Variants in FAM91A1 observed in about 807,000 individuals in gnomAD.
The protein encoded by FAM91A1 is protein FAM91A1.
A neutral mutation model predicts 113.5 loss-of-function variants in FAM91A1; 41 were observed. The ratio of observed to expected loss-of-function variants is 0.36; its 90% CI spans 0.28 to 0.47. FAM91A1 has a LOEUF of 0.47. Among genes scored for constraint, FAM91A1 ranks in the 20% least tolerant of loss-of-function variants. The probability of loss-of-function intolerance (pLI) is 1.00; values close to 1 mark genes in which losing one functional copy is unlikely to be tolerated. For missense variants in FAM91A1, 696 were observed against 1,001.2 expected (o/e 0.70, Z 4.11); for synonymous variants, 307 against 347.9 (o/e 0.88, Z 1.31).
intron 15 of FAM91A1, among the ~76,000 whole-genome samples, chr8:123,796,886 A>G (rs540944297): frequency 1.0e-3 from 152 of 150,494 alleles, no homozygotes; most frequent in African/African-American, 3.6e-3. Context: ...ACATGGTGAA[A>G]CCTGTCTCTA....
chr8:123,787,159 C>A, intron 12 of FAM91A1, 102 bp from the exon 13 acceptor site: 1 of 875,314 alleles, frequency 1.1e-6, no homozygotes, highest in Non-Finnish European at 1.8e-6. Flanking sequence ...AAATTATGTA[C>A]TTTCTGGTTA....
chr8:123,770,586 CTTCTT>C (rs1314302006), intron 1 of FAM91A1, among the ~76,000 whole-genome samples: 1 of 152,094 alleles, frequency 6.6e-6, no homozygotes, highest in Non-Finnish European at 1.5e-5. Flanking sequence ...ACAAACAGTT[CTTCTT>C]TTCTTTGTTT....
At position 123,806,088 on chromosome 8, in the gene FAM91A1, C is replaced by G. The variant is rs777888437; in HGVS notation, c.1891C>G (p.Arg631Gly). Reference protein sequence around the residue: ...DETELQGEFTRVNMGVHKALQ... With the variant: ...DETELQGEFTGVNMGVHKALQ... ...GTCCGTTCTGTTTGTAGAGTTCACT[C>G]GTGTCAATATGGGTGTTCATAAAGC... Residue 631 changes from arginine to glycine, a missense_variant, in exon 20 of 24, where the codon CGT becomes GGT. By Grantham distance (125) the Arg-to-Gly change is moderately radical. Transcript: ENST00000334705. The G allele has an allele frequency of 6.3e-7, 1 of 1,589,936 alleles. No individual in the cohort carries two copies. Among genetic ancestry groups the G allele is most frequent in the Non-Finnish European group, 8.6e-7 (1 of 1,165,804 alleles).
At chr8:123,774,811 G>T (rs112162137) in intron 2 of FAM91A1, among the ~76,000 whole-genome samples, 5 of 152,210 alleles carry the variant, frequency 3.3e-5, no homozygotes, top group African/African-American at 1.2e-4. Flanking sequence ...CATTGAAAAC[G>T]AGCATTCAGT....
chr8:123,797,400 C>T (rs926426403), intron 15 of FAM91A1, among the ~76,000 whole-genome samples: 19 of 152,012 alleles, frequency 1.2e-4, no homozygotes, highest in African/African-American at 4.6e-4. Context: ...AAAGTTACAC[C>T]CATCATGCCT....
intron 15 of FAM91A1, among the ~76,000 whole-genome samples, chr8:123,790,797 A>G (rs1815365758): frequency 6.6e-6 from 1 of 152,194 alleles, no homozygotes; most frequent in Non-Finnish European, 1.5e-5. Flanking sequence ...AATATGCCTT[A>G]TCTGAAGAAT....
chr8:123,799,382 A>G lies in FAM91A1; in HGVS notation c.1561-138A>G. 4.0e-6 allele frequency: 3 copies of G among 750,650 alleles called. No homozygotes were observed. The East Asian group carries it at 8.8e-5, about 22-fold the overall frequency. 46.5% of individuals were successfully genotyped at this position (750,650 alleles called of 1,614,324 possible). A position where few individuals can be genotyped will look rare whatever the true frequency, so the allele number is the denominator to read the frequency against. ...CCAGTATAAAATTGAAACTATTTTAATGAAACATTTAAAGTTATTTTCTTG... is the reference window on the plus strand; with the variant it reads ...CCAGTATAAAATTGAAACTATTTTAGTGAAACATTTAAAGTTATTTTCTTG... On this transcript the variant is annotated intron_variant, in intron 16 of 23. Coordinates refer to ENST00000334705, the MANE Select transcript of FAM91A1 (RefSeq NM_144963.4).
rs1815048576 is a variant in FAM91A1, at chr8:123,778,745, T to C, written c.522T>C (p.Ala174=). ...IAIEAWWVVQ[A]GYITEDDIKI... is the part of the protein sequence containing the mutation. Reference sequence around the variant, plus strand: ...TAGAGGCGTGGTGGGTGGTGCAGGCTGGCTATATCACAGAAGATGACATCA... The same window carrying C: ...TAGAGGCGTGGTGGGTGGTGCAGGCCGGCTATATCACAGAAGATGACATCA... Residue 174 remains alanine (A), a synonymous_variant, in exon 6 of 24, where the codon GCT becomes GCC. Coordinates refer to ENST00000334705, the MANE Select transcript of FAM91A1 (RefSeq NM_144963.4). The C allele has an allele frequency of 6.3e-7, 1 of 1,586,628 alleles. No individual in the cohort carries two copies. Among genetic ancestry groups the C allele is most frequent in the Non-Finnish European group, 8.6e-7 (1 of 1,166,596 alleles).
At chr8:123,795,754 G>GA (rs1056576839) in intron 15 of FAM91A1, among the ~76,000 whole-genome samples, 11 of 152,224 alleles carry the variant, frequency 7.2e-5, no homozygotes, top group African/African-American at 2.6e-4. Flanking sequence ...TCCTATTCTG[G>GA]AAAAAAATGC....
At chr8:123,804,456 A>G (rs952697579) in intron 18 of FAM91A1, among the ~76,000 whole-genome samples, 2 of 127,604 alleles carry the variant, frequency 1.6e-5, no homozygotes, top group Non-Finnish European at 1.6e-5. Context: ...GTGTCATTGC[A>G]CTCCAGTCTG....
At chr8:123,792,201 A>T (rs926006719) in intron 15 of FAM91A1, among the ~76,000 whole-genome samples, 1 of 152,066 alleles carries the variant, frequency 6.6e-6, no homozygotes, top group East Asian at 1.9e-4. Flanking sequence ...ATCCTCTAGT[A>T]TTGGTGTTTT....
At position 123,779,975 on chromosome 8, in the gene FAM91A1, C is replaced by T. The variant is rs1231784624; in HGVS notation, c.550-10C>T. 3.0e-5 allele frequency: 49 copies of T among 1,607,266 alleles called. No individual in the cohort carries two copies. The Admixed American group carries it at 6.0e-4, about 20-fold the overall frequency. ...ACAGAACTTAATTAAAAATATTTTG[C>T]TTTTCTTAGATATGCACTTTGCCTG... On this transcript the variant is annotated splice_polypyrimidine_tract_variant and intron_variant, in intron 6 of 23. Transcript: ENST00000334705.
intron 14 of FAM91A1, 93 bp from the exon 15 acceptor site, chr8:123,789,520 T>C: frequency 1.9e-6 from 3 of 1,556,304 alleles, no homozygotes; most frequent in East Asian, 4.7e-5. Context: ...TTACTACTTT[T>C]GAATAATGTC....
intron 14 of FAM91A1, 75 bp downstream of exon 14, chr8:123,787,825 C>A: frequency 2.5e-6 from 3 of 1,187,916 alleles, no homozygotes; most frequent in Non-Finnish European, 3.6e-6. Context: ...GCCAATTATA[C>A]AGTCTGTTGA....
chr8:123,780,540 C>A lies in FAM91A1; in HGVS notation c.701C>A (p.Ala234Glu). ...CCAATATCTGATGACAGTTGTATAG[C>A]AGGTAAGTCCGTGCTAACATTTTTC... is the stretch of plus-strand genomic sequence containing the variant. Reference protein sequence around the residue: ...DVPISDDSCIAVPPLEGFVMN... With the variant: ...DVPISDDSCIEVPPLEGFVMN... The change falls in exon 8 of 24, where the codon GCA becomes GAA. Residue 234 changes from alanine to glutamate, a missense_variant and splice_region_variant. Transcript: ENST00000334705. 1 of 1,610,102 alleles carries A rather than the reference C, an allele frequency of 6.2e-7. No individual in the cohort carries two copies.
Position 123,815,116 on chromosome 8 carries a change from A to G in FAM91A1, c.*2412A>G, listed in dbSNP as rs1563652854. The G allele has an allele frequency of 6.6e-6, 1 of 152,648 alleles. No individual in the cohort carries two copies. Among genetic ancestry groups the G allele is most frequent in the Non-Finnish European group, 1.5e-5 (1 of 68,028 alleles). 9.5% of individuals were successfully genotyped at this position (152,648 alleles called of 1,614,324 possible). Reference sequence around the variant, plus strand: ...AATGGATTTGAAGAAATGCAACTTTATATCAAAAAATGTCATCTGATTTCC... The same window carrying G: ...AATGGATTTGAAGAAATGCAACTTTGTATCAAAAAATGTCATCTGATTTCC... On this transcript the variant is annotated 3_prime_UTR_variant, in exon 24 of 24. Transcript: ENST00000334705.
intron 20 of FAM91A1, 33 bp downstream of exon 20, chr8:123,806,262 T>C: frequency 1.3e-6 from 2 of 1,586,540 alleles, no homozygotes; most frequent in South Asian, 2.3e-5. Flanking sequence ...TGGATTAAGA[T>C]AATTGGTTTT....
At position 123,778,778 on chromosome 8, in the gene FAM91A1, A is replaced by C. The variant is rs1156472471; in HGVS notation, c.549+6A>C. 4 of 1,474,780 alleles carry C rather than the reference A, an allele frequency of 2.7e-6. No homozygotes were observed. Among genetic ancestry groups the C allele is most frequent in the Admixed American group, 4.6e-5 (2 of 43,862 alleles). 91.4% of individuals were successfully genotyped at this position (1,474,780 alleles called of 1,614,324 possible). A position where few individuals can be genotyped will look rare whatever the true frequency, so the allele number is the denominator to read the frequency against. On this transcript the variant is annotated splice_donor_region_variant and intron_variant, in intron 6 of 23. Transcript: ENST00000334705. The stretch of plus-strand genomic sequence containing the variant: ...TCACAGAAGATGACATCAAGGTAGA[A>C]ATCTTTAAAAGTTAAACATAGAATT...
At chr8:123,796,692 C>T (rs1209927124) in intron 15 of FAM91A1, among the ~76,000 whole-genome samples, 2 of 150,450 alleles carry the variant, frequency 1.3e-5, no homozygotes, top group African/African-American at 4.9e-5. Flanking sequence ...CTCCTGACCT[C>T]GTGGTCTGCC....
Sources: gnomAD v4.1 joint callset for allele counts (sites outside exome capture counted in the v4.1 genomes callset) on GRCh38, gnomAD v4.1.1 for gene constraint, MANE v1.5 for transcripts, NCBI Gene and HGNC (gene_info 2026-07-23, HGNC 2026-07-21) for gene names.